Variants in TONSL observed in about 807,000 individuals in gnomAD.
TONSL encodes the protein tonsoku like, DNA repair protein.
TONSL carries 112 observed loss-of-function variants against 147.1 expected under a neutral mutation model. That is an observed-to-expected ratio of 0.76 (90% CI 0.65 to 0.89). The LOEUF (loss-of-function observed/expected upper bound fraction) is 0.89, where lower values mean the gene tolerates loss of function less well. TONSL is among the 40% of genes least tolerant of loss of function. TONSL has a pLI of 0.00. For synonymous variants in TONSL, 868 were observed against 801.5 expected (o/e 1.08, Z -1.40); for missense variants, 1,883 against 1,864.6 (o/e 1.01, Z -0.18).
rs778309379 is a variant in TONSL at position 144,436,147 on chromosome 8, GCA to G, written c.2284_2285del (p.Cys762LeufsTer99). 6.4e-7 allele frequency: 1 copy of G among 1,568,046 alleles called. No homozygotes were observed. The highest frequency in any genetic ancestry group is 8.6e-7 in the Non-Finnish European group (1 of 1,163,664). ...PARPSQKRPRCSATAQRVAAW... is the reference protein window; with the variant it reads ...PARPSQKRPRXSATAQRVAAW... ...CTGCCACCCGTTGTGCTGTGGCCGA[GCA>G]CCGAGGCCTCTTCTGGGACGGCCGT... On this transcript the variant is annotated frameshift_variant, in exon 17 of 26. Coordinates refer to ENST00000409379, the MANE Select transcript of TONSL (RefSeq NM_013432.5). LOFTEE classifies it high-confidence loss of function.
At chr8:144,431,249 G>T in intron 23 of TONSL, 98 bp from the exon 24 acceptor site, 1 of 1,122,196 alleles carries the variant, frequency 8.9e-7, no homozygotes, top group Non-Finnish European at 1.3e-6. Flanking sequence ...CCAGAAGGGA[G>T]CAGAGTCCCC....
chr8:144,442,620 C>A, intron 5 of TONSL, 57 bp downstream of exon 5: 1 of 1,582,858 alleles, frequency 6.3e-7, no homozygotes, highest in Non-Finnish European at 8.6e-7. Context: ...ACTCCCCTAA[C>A]TACTTCCTCC....
chr8:144,434,334 A>G, intron 20 of TONSL, 55 bp from the exon 21 acceptor site: 1 of 1,405,762 alleles, frequency 7.1e-7, no homozygotes, highest in Non-Finnish European at 9.4e-7. Context: ...TGCCCTCTGA[A>G]TCCCAGAGGG....
rs1332052098 is a variant in TONSL at position 144,435,826 on chromosome 8, C to G, written c.2607G>C (p.Glu869Asp). Residue 869 changes from glutamate to aspartate, a missense_variant, in exon 17 of 26, where the codon GAG becomes GAC. Glu to Asp is a conservative substitution (Grantham distance 45). Coordinates refer to ENST00000409379, the MANE Select transcript of TONSL (RefSeq NM_013432.5). ...GCTTGGCTCGGGCACGGGGCCTGCT[C>G]TCCTCACTGTCCGACCCAGAGGTAC... Reference protein sequence around the residue: ...PSSTSGSDSEESRPRARAKQV... With the variant: ...PSSTSGSDSEDSRPRARAKQV... The G allele has an allele frequency of 3.1e-6, 5 of 1,612,382 alleles. No homozygotes were observed. The South Asian group carries it at 3.3e-5, about 11-fold the overall frequency.
Position 144,434,832 on chromosome 8 carries a change from C to A in TONSL, c.3064G>T (p.Ala1022Ser). The A allele has an allele frequency of 6.2e-7, 1 of 1,613,472 alleles. No individual in the cohort carries two copies. Among genetic ancestry groups the A allele is most frequent in the Non-Finnish European group, 8.5e-7 (1 of 1,179,940 alleles). ...TCACCTTGCCCCAGGCTCTGGCAGG[C>A]CCTGCGGTAGCGGTCAGTCAACGGG... ...LPPLTDRYRR[A>S]CQSLGQGEHQ... The change falls in exon 20 of 26, where the codon GCC becomes TCC. Residue 1022 changes from alanine to serine, a missense_variant. By Grantham distance (99) the Ala-to-Ser change is moderately conservative. Coordinates refer to ENST00000409379, the MANE Select transcript of TONSL (RefSeq NM_013432.5).
In TONSL at chr8:144,433,982, A is replaced by G; in HGVS notation, c.3383T>C (p.Leu1128Ser). The G allele has an allele frequency of 6.3e-7, 1 of 1,583,086 alleles. No individual in the cohort carries two copies. The highest frequency in any genetic ancestry group is 8.6e-7 in the Non-Finnish European group (1 of 1,162,302). The change falls in exon 21 of 26, where the codon TTG becomes TCG. Residue 1128 changes from leucine to serine, a missense_variant. Coordinates refer to ENST00000409379, the MANE Select transcript of TONSL (RefSeq NM_013432.5). ...TGCTGCTCTCTGTGCCTATACCTGCAAGGTGGCTTGGCCTGGGAGCCCCAT... is the reference window on the plus strand; with the variant it reads ...TGCTGCTCTCTGTGCCTATACCTGCGAGGTGGCTTGGCCTGGGAGCCCCAT... ...LAMGLPGQAT[L>S]QSLEELDLSM...
At position 144,433,968 on chromosome 8, in the gene TONSL, G is replaced by C. The variant is rs782702241; in HGVS notation, c.3387+10C>G. 5.7e-6 allele frequency: 9 copies of C among 1,565,638 alleles called. No homozygotes were observed. In the African/African-American group the frequency reaches 1.1e-4, roughly 19 times the overall value. On this transcript the variant is annotated intron_variant, in intron 21 of 25. Transcript: ENST00000409379. ...CGCTGTTGAGGGCCTGCTGCTCTCT[G>C]TGCCTATACCTGCAAGGTGGCTTGG...
Position 144,432,317 on chromosome 8 carries a change from G to A in TONSL, c.3703C>T (p.Leu1235Phe), listed in dbSNP as rs1554878880. ...SVAAGKGDSD[L>F]MEPVFRYLAK... Reference sequence around the variant, plus strand: ...AGGTATCGGAATACAGGCTCCATGAGGTCCGAATCACCCTTGCCGGCTGCC... The same window carrying A: ...AGGTATCGGAATACAGGCTCCATGAAGTCCGAATCACCCTTGCCGGCTGCC... The change falls in exon 23 of 26, where the codon CTC becomes TTC. Residue 1235 changes from leucine (L) to phenylalanine (F), a missense_variant. Physicochemically the swap from Leu to Phe is conservative, Grantham distance 22 (BLOSUM62 0). Transcript: ENST00000409379. 6.2e-7 allele frequency: 1 copy of A among 1,613,632 alleles called. No homozygotes were observed. Among genetic ancestry groups the A allele is most frequent in the South Asian group, 1.1e-5 (1 of 91,080 alleles).
Position 144,444,257 on chromosome 8 carries a change from G to A in TONSL, c.44C>T (p.Ala15Val). ...CCGCTGCCCGGCCCTCTGCGCCTTG[G>A]CTTTCGCCTTGCTCAGCTCTGTGGG... ...RELRQLSKAK[A>V]KAQRAGQRRE... The change falls in exon 2 of 26, where the codon GCC (alanine) becomes GTC (valine). Residue 15 changes from alanine to valine, a missense_variant. Transcript: ENST00000409379. 1 of 1,454,230 alleles carries A rather than the reference G, an allele frequency of 6.9e-7. No homozygotes were observed. The highest frequency in any genetic ancestry group is 1.5e-5 in the African/African-American group (1 of 68,258). 90.1% of individuals were successfully genotyped at this position (1,454,230 alleles called of 1,614,324 possible). A position where few individuals can be genotyped will look rare whatever the true frequency, so the allele number is the denominator to read the frequency against.
At chr8:144,432,142 T>G in intron 23 of TONSL, 143 bp downstream of exon 23, 1 of 989,034 alleles carries the variant, frequency 1.0e-6, no homozygotes, top group Non-Finnish European at 1.5e-6. Flanking sequence ...CTGTTTTTTC[T>G]AAACCTCCAA....
At chr8:144,442,905 C>A in intron 4 of TONSL, 99 bp from the exon 5 acceptor site, 1 of 1,452,664 alleles carries the variant, frequency 6.9e-7, no homozygotes, top group East Asian at 2.4e-5. Context: ...CTCCTACCCC[C>A]TCCCTCCTCC....
Position 144,440,477 on chromosome 8 carries a change from C to A in TONSL, c.1165-1G>T. On this transcript the variant is annotated splice_acceptor_variant, in intron 9 of 25. Transcript: ENST00000409379. LOFTEE classifies it high-confidence loss of function. ...CAATGTTCAGCCAGGTCTTGGCCTC[C>A]TGGAGCAGGAGGAAGGACAGGGTCG... 2 of 1,592,460 alleles carry A rather than the reference C, an allele frequency of 1.3e-6. No homozygotes were observed. The highest frequency in any genetic ancestry group is 1.7e-6 in the Non-Finnish European group (2 of 1,166,112).
rs1032223728 is a variant in TONSL, at chr8:144,436,497, A to C, written c.2014+61T>G. 1.9e-6 allele frequency: 3 copies of C among 1,574,528 alleles called. No individual in the cohort carries two copies. In the African/African-American group the frequency reaches 4.0e-5, roughly 21 times the overall value. On this transcript the variant is annotated intron_variant, in intron 16 of 25. Coordinates refer to ENST00000409379, the MANE Select transcript of TONSL (RefSeq NM_013432.5). ...CTGTGATGGAGCATCTCCCGAAATC[A>C]GGGCCCGGGGACTCTCAGCGTAGGC... is the stretch of plus-strand genomic sequence containing the variant.
At position 144,443,206 on chromosome 8, in the gene TONSL, C is replaced by T; in HGVS notation, c.380G>A (p.Arg127Lys). The change falls in exon 4 of 26, where the codon AGG (arginine) becomes AAG (lysine). Residue 127 changes from arginine to lysine, a missense_variant. Coordinates refer to ENST00000409379, the MANE Select transcript of TONSL (RefSeq NM_013432.5). ...AGCCTGTGCCTGCAGCAAAGCATCCCTCGACTGGCAGTGGTCATAGATGTC... is the reference window on the plus strand; with the variant it reads ...AGCCTGTGCCTGCAGCAAAGCATCCTTCGACTGGCAGTGGTCATAGATGTC... Reference protein sequence around the residue: ...HLDIYDHCQSRDALLQAQAAF... With the variant: ...HLDIYDHCQSKDALLQAQAAF... The T allele has an allele frequency of 6.4e-7, 1 of 1,550,826 alleles. No homozygotes were observed. Among genetic ancestry groups the T allele is most frequent in the Admixed American group, 2.0e-5 (1 of 51,006 alleles).
chr8:144,439,007 C>A (rs966051605), intron 11 of TONSL, among the ~76,000 whole-genome samples: 2 of 152,134 alleles, frequency 1.3e-5, no homozygotes, highest in South Asian at 2.1e-4. Flanking sequence ...CCACGCCTGG[C>A]CCTCCCACAG....
intron 13 of TONSL, among the ~76,000 whole-genome samples, chr8:144,437,427 G>A (rs1823513350): frequency 6.6e-6 from 1 of 152,174 alleles, no homozygotes; most frequent in Non-Finnish European, 1.5e-5. Flanking sequence ...CCCCATCCTG[G>A]CCAGGCTGAC....
At chr8:144,440,616 G>GC in intron 9 of TONSL, 102 bp downstream of exon 9, 2 of 1,532,180 alleles carry the variant, frequency 1.3e-6, no homozygotes, top group South Asian at 2.5e-5. Context: ...GGAAGGAGCT[G>GC]CCCGTCCAGT....
chr8:144,439,204 GC>G (rs1347865568), intron 11 of TONSL, among the ~76,000 whole-genome samples: 1 of 152,104 alleles, frequency 6.6e-6, no homozygotes, highest in Admixed American at 6.5e-5. Flanking sequence ...TGCCTAGGCA[GC>G]AGACACACCC....
At position 144,440,986 on chromosome 8, in the gene TONSL, C is replaced by G; in HGVS notation, c.991G>C (p.Ala331Pro). The change falls in exon 8 of 26, where the codon GCT becomes CCT. Residue 331 changes from alanine to proline, a missense_variant. By Grantham distance (27) the Ala-to-Pro change is conservative (BLOSUM62 -1). Transcript: ENST00000409379. ...FSKAGDFPRA[A>P]EAYQKQLRFA... ...CACACCTGCTTCTGGTAAGCCTCAG[C>G]TGCCCTGGGAAAGTCTCCTGCCTTG... is the stretch of plus-strand genomic sequence containing the variant. The G allele has an allele frequency of 6.2e-7, 1 of 1,613,190 alleles. No individual in the cohort carries two copies. The highest frequency in any genetic ancestry group is 8.5e-7 in the Non-Finnish European group (1 of 1,179,988).
Sources: gnomAD v4.1 joint callset for allele counts (sites outside exome capture counted in the v4.1 genomes callset) on GRCh38, gnomAD v4.1.1 for gene constraint, MANE v1.5 for transcripts, NCBI Gene and HGNC (gene_info 2026-07-23, HGNC 2026-07-21) for gene names.